LDLRAD3: variants seen among roughly 807,000 people sequenced by gnomAD.
LDLRAD3 encodes the protein low density lipoprotein receptor class A domain containing 3, also known as low-density lipoprotein receptor class A domain-containing protein 3.
A neutral mutation model predicts 29.4 loss-of-function variants in LDLRAD3; 20 were observed. The ratio of observed to expected loss-of-function variants is 0.68; its 90% confidence interval spans 0.48 to 0.99. LDLRAD3 has a LOEUF of 0.99. LDLRAD3 is among the 50% of genes least tolerant of loss of function. The pLI, the probability that LDLRAD3 is intolerant of heterozygous loss-of-function variation, is 0.00. For missense variants in LDLRAD3, 420 were observed against 454.3 expected (o/e 0.92, Z 0.69); for synonymous variants, 157 against 192.7 (o/e 0.81, Z 1.53).
chr11:35,965,407 A>G (rs1401917788), intron 1 of LDLRAD3, among the ~76,000 whole-genome samples: 1 of 152,186 alleles, frequency 6.6e-6, no homozygotes, highest in African/African-American at 2.4e-5. Context: ...TGTAACACAC[A>G]TTTGGGAACT....
At chr11:36,150,085 G>T (rs78160913) in intron 4 of LDLRAD3, among the ~76,000 whole-genome samples, 37 of 152,264 alleles carry the variant, frequency 2.4e-4, no homozygotes, top group African/African-American at 3.4e-4. Context: ...GCTGCAGGGG[G>T]TATCGTTTAC....
At chr11:36,013,895 T>C (rs1355098709) in intron 1 of LDLRAD3, among the ~76,000 whole-genome samples, 1 of 152,192 alleles carries the variant, frequency 6.6e-6, no homozygotes, top group Non-Finnish European at 1.5e-5. Flanking sequence ...AGATAAGTGT[T>C]GTCCGCTAGG....
At chr11:36,144,555 G>A (rs1377610620) in intron 4 of LDLRAD3, among the ~76,000 whole-genome samples, 1 of 151,170 alleles carries the variant, frequency 6.6e-6, no homozygotes, top group Admixed American at 6.6e-5. Flanking sequence ...CGTCTGGGAT[G>A]TGAGGAGCGT....
At chr11:35,985,596 C>T (rs941350056) in intron 1 of LDLRAD3, among the ~76,000 whole-genome samples, 1 of 152,138 alleles carries the variant, frequency 6.6e-6, no homozygotes, top group Admixed American at 6.5e-5. Flanking sequence ...TTGTAGCTCC[C>T]ATAATCCCTA....
At chr11:36,083,424 C>T (rs1853146134) in intron 3 of LDLRAD3, among the ~76,000 whole-genome samples, 1 of 151,938 alleles carries the variant, frequency 6.6e-6, no homozygotes, top group South Asian at 2.1e-4. Flanking sequence ...CAAAACTGCC[C>T]ATATCCCGTA....
chr11:36,111,201 C>T (rs986853245), intron 4 of LDLRAD3, among the ~76,000 whole-genome samples: 1 of 152,082 alleles, frequency 6.6e-6, no homozygotes, highest in Non-Finnish European at 1.5e-5. Flanking sequence ...CACTGCATGC[C>T]GTGAGAATTC....
chr11:35,969,108 GA>G (rs1337772502), intron 1 of LDLRAD3, among the ~76,000 whole-genome samples: 1 of 152,162 alleles, frequency 6.6e-6, no homozygotes, highest in Non-Finnish European at 1.5e-5. Flanking sequence ...GAAGCTCAGA[GA>G]GAGGAAAGAA....
At chr11:36,106,267 A>G (rs1320665350) in intron 4 of LDLRAD3, among the ~76,000 whole-genome samples, 1 of 152,118 alleles carries the variant, frequency 6.6e-6, no homozygotes, top group Non-Finnish European at 1.5e-5. Context: ...ATCTCTCTCT[A>G]CAACAGCCCC....
In LDLRAD3 at chr11:36,003,312, A is replaced by C. The variant is rs188840596; in HGVS notation, c.47-32791A>C. Among the ~76,000 whole-genome samples the C allele has an allele frequency of 1.9e-3, 292 of 152,018 alleles. 4 individuals carry two copies. Among genetic ancestry groups the C allele is most frequent in the Non-Finnish European group, 2.4e-4 (16 of 67,964 alleles). ...AATACCCTTTTCTGTTTCAGTAGAG[A>C]CTACACACAGATTTTGCCACTGTGA... On this transcript the variant is annotated intron_variant, in intron 1 of 5. Transcript: ENST00000315571.
chr11:36,206,344 A>G (rs1416075504), intron 4 of LDLRAD3, among the ~76,000 whole-genome samples: 1 of 152,158 alleles, frequency 6.6e-6, no homozygotes, highest in Non-Finnish European at 1.5e-5. Context: ...AGTGAGAGGG[A>G]TGGGTTATAA....
intron 4 of LDLRAD3, among the ~76,000 whole-genome samples, chr11:36,123,767 C>T: frequency 6.6e-6 from 1 of 152,196 alleles, no homozygotes; most frequent in East Asian, 1.9e-4. Flanking sequence ...TGGCACAGTG[C>T]CGACCCCCTG....
chr11:36,127,303 T>C (rs978567307), intron 4 of LDLRAD3, among the ~76,000 whole-genome samples: 1 of 152,224 alleles, frequency 6.6e-6, no homozygotes, highest in Non-Finnish European at 1.5e-5. Context: ...TTATCAATTA[T>C]GAATAGTTTA....
chr11:36,086,140 T>C (rs1853192558), intron 3 of LDLRAD3, among the ~76,000 whole-genome samples: 1 of 152,204 alleles, frequency 6.6e-6, no homozygotes, highest in South Asian at 2.1e-4. Flanking sequence ...GCTGAGACTT[T>C]CTGTTTTTCC....
At chr11:36,160,335 G>T (rs972778984) in intron 4 of LDLRAD3, among the ~76,000 whole-genome samples, 1 of 152,180 alleles carries the variant, frequency 6.6e-6, no homozygotes, top group African/African-American at 2.4e-5. Flanking sequence ...CAGAAAGCCA[G>T]CGTGATTTCC....
chr11:36,167,149 C>T (rs10466460), intron 4 of LDLRAD3, among the ~76,000 whole-genome samples: 2,944 of 152,224 alleles, frequency 0.019, 107 homozygotes, highest in African/African-American at 0.068. Context: ...CAGGGCAGGT[C>T]AGCAAGCTGG....
chr11:36,116,945 AATTCTC>A (rs1853683677), intron 4 of LDLRAD3, among the ~76,000 whole-genome samples: 1 of 150,958 alleles, frequency 6.6e-6, no homozygotes, highest in South Asian at 2.1e-4. Flanking sequence ...GGGTTCAACC[AATTCTC>A]GTGCCTCAGC....
chr11:36,014,404 A>G (rs564576810), intron 1 of LDLRAD3, among the ~76,000 whole-genome samples: 4 of 152,336 alleles, frequency 2.6e-5, no homozygotes, highest in African/African-American at 9.6e-5. Flanking sequence ...CATTATGGGA[A>G]ATGATAACTT....
chr11:36,116,111 T>A (rs1191475815), intron 4 of LDLRAD3, among the ~76,000 whole-genome samples: 2 of 152,154 alleles, frequency 1.3e-5, no homozygotes, highest in African/African-American at 2.4e-5. Context: ...AGAAAGGCTG[T>A]CCAGCACTTA....
In LDLRAD3 at chr11:36,230,725, CTG is replaced by C. The variant is rs1036643852; in HGVS notation, c.*1330_*1331del. The C allele has an allele frequency of 6.6e-6, 1 of 152,620 alleles. No individual in the cohort carries two copies. Among genetic ancestry groups the C allele is most frequent in the Non-Finnish European group, 1.5e-5 (1 of 68,034 alleles). 9.5% of individuals were successfully genotyped at this position (152,620 alleles called of 1,614,324 possible). On this transcript the variant is annotated 3_prime_UTR_variant, in exon 6 of 6. Transcript: ENST00000315571. The stretch of plus-strand genomic sequence containing the variant: ...GACTATTTATATGTGTATAGGAAAG[CTG>C]TCTCTTTTTTTGTTTTTCCTTTAAC...
Sources: gnomAD v4.1 joint callset for allele counts (sites outside exome capture counted in the v4.1 genomes callset) on GRCh38, gnomAD v4.1.1 for gene constraint, MANE v1.5 for transcripts, NCBI Gene and HGNC (gene_info 2026-07-23, HGNC 2026-07-21) for gene names.